ARSJ: variants seen among roughly 807,000 people sequenced by gnomAD.
The protein encoded by ARSJ is arylsulfatase J.
ARSJ carries 26 observed loss-of-function variants against 35.9 expected under a neutral mutation model. That is an observed-to-expected ratio of 0.72 (90% CI 0.53 to 1.00). The LOEUF is 1.00. Among genes scored for constraint, ARSJ ranks in the 50% least tolerant of loss-of-function variants. ARSJ has a pLI of 0.00. For synonymous variants in ARSJ, 294 were observed against 267.6 expected (o/e 1.10, Z -0.96); for missense variants, 667 against 723.6 (o/e 0.92, Z 0.90).
intron 1 of ARSJ, among the ~76,000 whole-genome samples, chr4:113,929,808 G>A (rs1047475301): frequency 2.6e-5 from 4 of 152,002 alleles, no homozygotes; most frequent in Non-Finnish European, 5.9e-5. Context: ...GTTTTTCAAC[G>A]GAACTTAGGA....
In ARSJ at chr4:113,902,780, C is replaced by T; in HGVS notation, c.1294G>A (p.Gly432Ser). Residue 432 changes from glycine (G) to serine (S), a missense_variant, in exon 2 of 2, where the codon GGC (glycine) becomes AGC (serine). By Grantham distance (56) the Gly-to-Ser change is moderately conservative. Transcript: ENST00000315366. ...IDPIYTKAKN[G>S]SWAAGYGIWN... ...ATCCCATAGCCTGCTGCCCAGGAGC[C>T]ATTTTTTGCCTTGGTGTATATGGGG... 6.2e-7 allele frequency: 1 copy of T among 1,614,130 alleles called. No individual in the cohort carries two copies. The highest frequency in any genetic ancestry group is 8.5e-7 in the Non-Finnish European group (1 of 1,180,030).
chr4:113,910,338 C>T (rs1284368646), intron 1 of ARSJ, among the ~76,000 whole-genome samples: 1 of 151,954 alleles, frequency 6.6e-6, no homozygotes, highest in East Asian at 1.9e-4. Flanking sequence ...TTGTTTTAAC[C>T]TAATTACATA....
intron 1 of ARSJ, among the ~76,000 whole-genome samples, chr4:113,922,409 G>A (rs1283683934): frequency 6.6e-6 from 1 of 152,032 alleles, no homozygotes; most frequent in Non-Finnish European, 1.5e-5. Flanking sequence ...ATTAACTATT[G>A]TTCCATGTTT....
intron 1 of ARSJ, among the ~76,000 whole-genome samples, chr4:113,966,888 C>T (rs1726924467): frequency 6.6e-6 from 1 of 152,168 alleles, no homozygotes. Context: ...TCAGTTACCA[C>T]ATCCTCTTTC....
At chr4:113,973,795 C>T (rs1727426518) in intron 1 of ARSJ, among the ~76,000 whole-genome samples, 1 of 152,190 alleles carries the variant, frequency 6.6e-6, no homozygotes, top group African/African-American at 2.4e-5. Context: ...TCTATACTCT[C>T]TCTTCTTTCC....
intron 1 of ARSJ, among the ~76,000 whole-genome samples, chr4:113,943,867 T>C (rs1725311666): frequency 6.6e-6 from 1 of 151,970 alleles, no homozygotes; most frequent in Non-Finnish European, 1.5e-5. Flanking sequence ...TTAGGGAAGA[T>C]GGCAGGAAAC....
At chr4:113,930,165 A>G (rs1342580929) in intron 1 of ARSJ, among the ~76,000 whole-genome samples, 1 of 152,116 alleles carries the variant, frequency 6.6e-6, no homozygotes, top group African/African-American at 2.4e-5. Context: ...CAGAACTAAT[A>G]GAAATGGGAG....
intron 1 of ARSJ, among the ~76,000 whole-genome samples, chr4:113,932,181 C>T (rs1724496263): frequency 1.3e-5 from 2 of 151,966 alleles, no homozygotes; most frequent in African/African-American, 2.4e-5. Flanking sequence ...CTATAAATAT[C>T]TATGCACTGA....
chr4:113,943,500 CCAGGT>C (rs1235943480), intron 1 of ARSJ: 1 of 151,994 alleles, frequency 6.6e-6, no homozygotes. Flanking sequence ...CTACTTTGTG[CCAGGT>C]ACTAGTATAG....
chr4:113,976,631 G>C (rs1209785675), intron 1 of ARSJ, among the ~76,000 whole-genome samples: 1 of 152,182 alleles, frequency 6.6e-6, no homozygotes, highest in African/African-American at 2.4e-5. Flanking sequence ...TCTAAAAGGA[G>C]AAATTGCAAG....
intron 1 of ARSJ, among the ~76,000 whole-genome samples, chr4:113,964,078 A>C (rs948519371): frequency 1.2e-4 from 18 of 152,088 alleles, no homozygotes; most frequent in Admixed American, 2.0e-4. Context: ...GAACCATTGA[A>C]TTATTTTAAT....
At chr4:113,975,382 T>A (rs1306734822) in intron 1 of ARSJ, among the ~76,000 whole-genome samples, 1 of 152,198 alleles carries the variant, frequency 6.6e-6, no homozygotes, top group Non-Finnish European at 1.5e-5. Context: ...ATAAAACATG[T>A]CTAGGTTTTG....
intron 1 of ARSJ, among the ~76,000 whole-genome samples, chr4:113,934,182 G>A (rs747065593): frequency 6.6e-6 from 1 of 151,810 alleles, no homozygotes; most frequent in Non-Finnish European, 1.5e-5. Context: ...AGCCACTATG[G>A]AAAACAGTAT....
At chr4:113,942,833 C>T (rs1428201582) in intron 1 of ARSJ, among the ~76,000 whole-genome samples, 1 of 151,878 alleles carries the variant, frequency 6.6e-6, no homozygotes, top group Non-Finnish European at 1.5e-5. Context: ...CTATCATAAC[C>T]AAGAATAATT....
chr4:113,923,521 C>A (rs988979599), intron 1 of ARSJ, among the ~76,000 whole-genome samples: 1 of 152,016 alleles, frequency 6.6e-6, no homozygotes, highest in African/African-American at 2.4e-5. Context: ...CTCTAATTAG[C>A]GTTAGATTTT....
intron 1 of ARSJ, among the ~76,000 whole-genome samples, chr4:113,948,099 G>A (rs996734472): frequency 6.6e-6 from 1 of 152,094 alleles, no homozygotes; most frequent in Non-Finnish European, 1.5e-5. Flanking sequence ...TGAGGCACAA[G>A]AATCTCTTGA....
intron 1 of ARSJ, among the ~76,000 whole-genome samples, chr4:113,966,505 T>C (rs1270453139): frequency 6.6e-6 from 1 of 152,042 alleles, no homozygotes; most frequent in Non-Finnish European, 1.5e-5. Context: ...TGCTGGTCAG[T>C]TGGTAAATTT....
chr4:113,948,434 A>G (rs1725640029), intron 1 of ARSJ, among the ~76,000 whole-genome samples: 1 of 152,118 alleles, frequency 6.6e-6, no homozygotes, highest in South Asian at 2.1e-4. Context: ...TAGCATTAAC[A>G]AAGATTTGAG....
At chr4:113,957,102 A>G (rs1359955360) in intron 1 of ARSJ, among the ~76,000 whole-genome samples, 1 of 152,076 alleles carries the variant, frequency 6.6e-6, no homozygotes, top group Non-Finnish European at 1.5e-5. Context: ...GCCGTTAATA[A>G]TTGTAGGCAG....
Sources: allele counts gnomAD v4.1 joint callset (sites outside exome capture counted in the v4.1 genomes callset), GRCh38; gene constraint gnomAD v4.1.1; transcripts MANE v1.5; gene names NCBI Gene and HGNC (gene_info 2026-07-23, HGNC 2026-07-21).